Variants in GRAP2 observed in about 807,000 individuals in gnomAD.
GRAP2 encodes the protein GRB2-related adapter protein 2.
In GRAP2, 31 loss-of-function variants were observed where a neutral mutation model predicts 43.5. That is an observed-to-expected ratio of 0.71 (90% CI 0.54 to 0.96). The LOEUF (loss-of-function observed/expected upper bound fraction) is 0.96, where lower values mean the gene tolerates loss of function less well. Ranked by LOEUF, GRAP2 falls within the 40% of genes least tolerant of loss-of-function variation. The pLI, the probability that GRAP2 is intolerant of heterozygous loss-of-function variation, is 0.00. For synonymous variants in GRAP2, 156 were observed against 164.8 expected (o/e 0.95, Z 0.41); for missense variants, 371 against 424.4 (o/e 0.87, Z 1.11).
At chr22:39,910,973 G>A (rs1008279511) in intron 1 of GRAP2, among the ~76,000 whole-genome samples, 4 of 152,114 alleles carry the variant, frequency 2.6e-5, no homozygotes, top group East Asian at 1.9e-4. Context: ...CTCTGCAACC[G>A]TGGATGAATC....
chr22:39,904,583 A>G (rs928243835), intron 1 of GRAP2, among the ~76,000 whole-genome samples: 6 of 152,178 alleles, frequency 3.9e-5, no homozygotes, highest in Non-Finnish European at 8.8e-5. Context: ...TCACTCCTAA[A>G]TAATTCAGTA....
intron 4 of GRAP2, among the ~76,000 whole-genome samples, chr22:39,963,767 C>T (rs1481109360): frequency 6.6e-6 from 1 of 152,198 alleles, no homozygotes; most frequent in African/African-American, 2.4e-5. Context: ...CCTGTAATCC[C>T]AGCACTTTGG....
chr22:39,952,683 A>G (rs1215957570), intron 2 of GRAP2, among the ~76,000 whole-genome samples: 1 of 152,190 alleles, frequency 6.6e-6, no homozygotes, highest in Non-Finnish European at 1.5e-5. Flanking sequence ...TATGGGACAC[A>G]CTTTTATTCC....
chr22:39,926,733 G>A, intron 1 of GRAP2: 1 of 985,356 alleles, frequency 1.0e-6, no homozygotes. Flanking sequence ...AATTGTTAAT[G>A]GGGACTGCAT....
At chr22:39,911,328 A>G (rs1371173468) in intron 1 of GRAP2, among the ~76,000 whole-genome samples, 2 of 152,112 alleles carry the variant, frequency 1.3e-5, no homozygotes, top group African/African-American at 4.8e-5. Context: ...AATGTGAGCA[A>G]GTGCCATAAA....
intron 1 of GRAP2, among the ~76,000 whole-genome samples, chr22:39,913,193 A>AAG (rs1491452528): frequency 8.2e-6 from 1 of 121,538 alleles, no homozygotes; most frequent in African/African-American, 2.7e-5. Flanking sequence ...ACTCCATCTC[A>AAG]AAAAAAAAAA....
At chr22:39,967,772 C>G (rs62230279) in intron 5 of GRAP2, among the ~76,000 whole-genome samples, 3,437 of 152,264 alleles carry the variant, frequency 0.023, 57 homozygotes, top group Non-Finnish European at 0.035. Context: ...AACGAGCGCC[C>G]TGGAAATGGA....
chr22:39,907,507 T>C (rs967434172), intron 1 of GRAP2, among the ~76,000 whole-genome samples: 1 of 152,014 alleles, frequency 6.6e-6, no homozygotes, highest in Non-Finnish European at 1.5e-5. Flanking sequence ...GAGGACAAGG[T>C]GGGAGGATTG....
At chr22:39,953,468 A>G (rs1018789484) in intron 2 of GRAP2, among the ~76,000 whole-genome samples, 1 of 152,068 alleles carries the variant, frequency 6.6e-6, no homozygotes, top group Admixed American at 6.6e-5. Flanking sequence ...TTTCTCTAAA[A>G]TATATCCTCA....
At chr22:39,943,211 G>A (rs2066888041) in intron 1 of GRAP2, among the ~76,000 whole-genome samples, 1 of 152,192 alleles carries the variant, frequency 6.6e-6, no homozygotes, top group Non-Finnish European at 1.5e-5. Flanking sequence ...TCCAATGGAG[G>A]TTATTTTAAA....
chr22:39,968,512 C>T (rs1339545761), intron 6 of GRAP2: 2 of 536,740 alleles, frequency 3.7e-6, no homozygotes, highest in East Asian at 3.0e-5. Context: ...CTTAAACTCA[C>T]ACACACACAC....
intron 1 of GRAP2, among the ~76,000 whole-genome samples, chr22:39,931,926 G>A (rs1480877478): frequency 6.6e-6 from 1 of 152,112 alleles, no homozygotes; most frequent in African/African-American, 2.4e-5. Context: ...CACAAGAAAG[G>A]TAGAGAAAAC....
At chr22:39,925,060 C>A (rs1476618857) in intron 1 of GRAP2, among the ~76,000 whole-genome samples, 1 of 152,070 alleles carries the variant, frequency 6.6e-6, no homozygotes, top group Non-Finnish European at 1.5e-5. Flanking sequence ...TTACGGCAGG[C>A]AGGGTGGGGA....
intron 1 of GRAP2, among the ~76,000 whole-genome samples, chr22:39,912,466 G>C (rs2066573928): frequency 6.6e-6 from 1 of 152,128 alleles, no homozygotes; most frequent in Non-Finnish European, 1.5e-5. Context: ...GTGGAGCAGG[G>C]GTTCTCCCCC....
At position 39,910,076 on chromosome 22, in the gene GRAP2, A is replaced by G. The variant is rs1273774868; in HGVS notation, c.-15+8746A>G. Among the ~76,000 whole-genome samples the G allele has an allele frequency of 2.0e-5, 3 of 152,154 alleles. 1 individual carries two copies. Among genetic ancestry groups the G allele is most frequent in the South Asian group, 4.1e-4 (2 of 4,832 alleles). On this transcript the variant is annotated intron_variant, in intron 1 of 7. Coordinates refer to ENST00000344138, the MANE Select transcript of GRAP2 (RefSeq NM_004810.4). ...TTCTTTTTCAAGCATAAATATCCTTAGTTCTTGTAACCACTCCTCCTATGA... is the reference window on the plus strand; with the variant it reads ...TTCTTTTTCAAGCATAAATATCCTTGGTTCTTGTAACCACTCCTCCTATGA...
chr22:39,894,029 A>G, the GRAP2 span, among the ~76,000 whole-genome samples: 2 of 151,940 alleles, frequency 1.3e-5, no homozygotes, highest in Non-Finnish European at 2.9e-5. Context: ...TGCTTTCTTA[A>G]TTAAATAAAA....
chr22:39,930,693 C>T (rs1452388763), intron 1 of GRAP2, among the ~76,000 whole-genome samples: 1 of 152,178 alleles, frequency 6.6e-6, no homozygotes, highest in Non-Finnish European at 1.5e-5. Context: ...CAATGACTTC[C>T]CATCATCCTT....
chr22:39,969,521 C>G lies in GRAP2; in HGVS notation c.801C>G (p.Leu267=), dbSNP rs5757821. 1,610 of 1,613,944 alleles carry G rather than the reference C, an allele frequency of 1.0e-3. 24 individuals carry two copies. In the East Asian group the frequency reaches 0.031, roughly 31 times the overall value. Residue 267 remains leucine (L), a synonymous_variant, in exon 7 of 8, where the codon CTC becomes CTG. Transcript: ENST00000344138. ...GGAGACACACAGACCCAGTGCAGCT[C>G]CAGGCGGCAGGGGTATGGGAACTGT... ...MHRRHTDPVQ[L]QAAGRVRWAR...
chr22:39,923,121 G>A (rs1248885727), intron 1 of GRAP2, among the ~76,000 whole-genome samples: 1 of 152,098 alleles, frequency 6.6e-6, no homozygotes, highest in Non-Finnish European at 1.5e-5. Flanking sequence ...TTTGAGAAAG[G>A]GGAGGAAAAG....
Sources: allele counts gnomAD v4.1 joint callset (sites outside exome capture counted in the v4.1 genomes callset), GRCh38; gene constraint gnomAD v4.1.1; transcripts MANE v1.5; gene names NCBI Gene and HGNC (gene_info 2026-07-23, HGNC 2026-07-21).